The following PARVA variants were observed in gnomAD, a reference collection of about 807,000 sequenced individuals.
PARVA encodes alpha-parvin.
Under a neutral mutation model 52.6 loss-of-function variants are expected in PARVA, and 25 were observed. The observed-to-expected ratio is 0.48, with a 90% CI of 0.35 to 0.66. The LOEUF (loss-of-function observed/expected upper bound fraction) is 0.66, where lower values mean the gene tolerates loss of function less well. Ranked by LOEUF, PARVA falls within the 30% of genes least tolerant of loss-of-function variation. The probability of loss-of-function intolerance (pLI) is 0.01; values close to 1 mark genes in which losing one functional copy is unlikely to be tolerated. For synonymous variants in PARVA, 185 were observed against 179.1 expected (o/e 1.03, Z -0.26); for missense variants, 373 against 450.9 (o/e 0.83, Z 1.56).
chr11:12,453,889 C>T (rs1235709411), intron 1 of PARVA, among the ~76,000 whole-genome samples: 2 of 152,178 alleles, frequency 1.3e-5, no homozygotes, highest in Non-Finnish European at 2.9e-5. Flanking sequence ...AGCGAGCCCT[C>T]TTGGTTCCCC....
At chr11:12,520,543 C>G (rs1941623416) in intron 12 of PARVA, among the ~76,000 whole-genome samples, 1 of 152,160 alleles carries the variant, frequency 6.6e-6, no homozygotes, top group Admixed American at 6.5e-5. Context: ...GCCTTGAAAT[C>G]CCCTAGAAAC....
intron 1 of PARVA, among the ~76,000 whole-genome samples, chr11:12,387,102 A>G (rs1939583954): frequency 1.3e-5 from 2 of 152,220 alleles, no homozygotes; most frequent in South Asian, 2.1e-4. Context: ...TAAAATCTCC[A>G]CTCACTGTCA....
chr11:12,402,383 A>G (rs781296151), intron 1 of PARVA, among the ~76,000 whole-genome samples: 1 of 152,176 alleles, frequency 6.6e-6, no homozygotes, highest in African/African-American at 2.4e-5. Flanking sequence ...GCCAAACTCA[A>G]CCACAGTACA....
intron 5 of PARVA, among the ~76,000 whole-genome samples, chr11:12,498,903 T>C (rs10831838): frequency 0.39 from 58,649 of 152,152 alleles, 12,610 homozygotes; most frequent in East Asian, 0.67. Context: ...TTTTGTTATT[T>C]TTCGCTTGAT....
chr11:12,415,576 G>A (rs143585673), intron 1 of PARVA, among the ~76,000 whole-genome samples: 1 of 152,206 alleles, frequency 6.6e-6, no homozygotes, highest in East Asian at 1.9e-4. Context: ...TACTCTCAAG[G>A]GGAATCAGCC....
intron 1 of PARVA, among the ~76,000 whole-genome samples, chr11:12,389,625 C>T (rs1939628287): frequency 6.6e-6 from 1 of 152,124 alleles, no homozygotes; most frequent in Non-Finnish European, 1.5e-5. Flanking sequence ...CAAAGGGATC[C>T]CCTCCCACCC....
intron 1 of PARVA, among the ~76,000 whole-genome samples, chr11:12,449,608 G>C (rs1385048371): frequency 6.6e-6 from 1 of 152,148 alleles, no homozygotes; most frequent in Non-Finnish European, 1.5e-5. Flanking sequence ...CTTCCTCTCT[G>C]TATGTGGTAC....
intron 1 of PARVA, among the ~76,000 whole-genome samples, chr11:12,393,196 C>T (rs1939687386): frequency 6.6e-6 from 1 of 151,952 alleles, no homozygotes; most frequent in African/African-American, 2.4e-5. Context: ...GTAAGTGCAT[C>T]AGGGACAAGC....
chr11:12,423,351 G>GTT (rs869105706), intron 1 of PARVA, among the ~76,000 whole-genome samples: 14 of 104,726 alleles, frequency 1.3e-4, no homozygotes, highest in African/African-American at 2.2e-4. Context: ...GCTAATTTTT[G>GTT]TTTTTTTTTT....
chr11:12,400,392 G>C (rs1384436742), intron 1 of PARVA, among the ~76,000 whole-genome samples: 1 of 152,080 alleles, frequency 6.6e-6, no homozygotes, highest in Non-Finnish European at 1.5e-5. Context: ...ATATTACTTT[G>C]AGTAGATTTC....
chr11:12,491,236 G>A (rs979562547), intron 4 of PARVA, among the ~76,000 whole-genome samples: 1 of 152,162 alleles, frequency 6.6e-6, no homozygotes, highest in South Asian at 2.1e-4. Context: ...AATCACAGCC[G>A]ACTGTAGCCT....
chr11:12,485,348 G>C (rs1251372068), intron 4 of PARVA, among the ~76,000 whole-genome samples: 1 of 152,134 alleles, frequency 6.6e-6, no homozygotes, highest in African/African-American at 2.4e-5. Context: ...CCAGGTCGTG[G>C]TTTTTAGCAC....
intron 1 of PARVA, among the ~76,000 whole-genome samples, chr11:12,448,034 C>T (rs1414101273): frequency 6.6e-6 from 1 of 152,186 alleles, no homozygotes; most frequent in Non-Finnish European, 1.5e-5. Context: ...CCTCTCTTTC[C>T]CTCACCTGTC....
intron 6 of PARVA, among the ~76,000 whole-genome samples, chr11:12,505,022 T>C (rs1477044128): frequency 6.6e-6 from 1 of 152,106 alleles, no homozygotes; most frequent in Admixed American, 6.5e-5. Context: ...AAGTCATCTT[T>C]TCCAGATTGT....
chr11:12,526,621 C>T (rs1344414664), intron 12 of PARVA, among the ~76,000 whole-genome samples: 1 of 152,192 alleles, frequency 6.6e-6, no homozygotes, highest in East Asian at 1.9e-4. Flanking sequence ...TTCAACTTGC[C>T]CTGCATCCTT....
At chr11:12,522,801 A>G (rs189851484) in intron 12 of PARVA, among the ~76,000 whole-genome samples, 4,034 of 152,090 alleles carry the variant, frequency 0.027, 75 homozygotes, top group South Asian at 0.039. Flanking sequence ...AAAAAAAAAA[A>G]ACAGACAGCT....
chr11:12,396,819 GC>G (rs1368620067), intron 1 of PARVA, among the ~76,000 whole-genome samples: 1 of 152,194 alleles, frequency 6.6e-6, no homozygotes, highest in Admixed American at 6.5e-5. Flanking sequence ...AAAAGTAAGG[GC>G]CCCCTCTTTC....
chr11:12,411,162 T>C (rs1388212648), intron 1 of PARVA, among the ~76,000 whole-genome samples: 1 of 152,242 alleles, frequency 6.6e-6, no homozygotes, highest in East Asian at 1.9e-4. Context: ...AATTTGGCTG[T>C]TTGGATGAAC....
At chr11:12,395,855 A>G (rs1939735487) in intron 1 of PARVA, among the ~76,000 whole-genome samples, 1 of 152,226 alleles carries the variant, frequency 6.6e-6, no homozygotes, top group Non-Finnish European at 1.5e-5. Context: ...TGGAGGCAGA[A>G]TCAGAACAAT....
Sources: gnomAD v4.1 joint callset for allele counts (sites outside exome capture counted in the v4.1 genomes callset) on GRCh38, gnomAD v4.1.1 for gene constraint, MANE v1.5 for transcripts, NCBI Gene and HGNC (gene_info 2026-07-23, HGNC 2026-07-21) for gene names.